YWHAZ: variants seen among roughly 807,000 people sequenced by gnomAD.
YWHAZ encodes 14-3-3 protein zeta/delta.
For missense variants in YWHAZ, 79 were observed against 284.8 expected (o/e 0.28, Z 5.20); for synonymous variants, 87 against 103.6 (o/e 0.84, Z 0.97).
Position 100,943,335 on chromosome 8 carries a change from TTA to T in YWHAZ, c.294+5259_294+5260del, listed in dbSNP as rs370968635. On this transcript the variant is annotated intron_variant, in intron 2 of 5. Coordinates refer to ENST00000395958, the MANE Select transcript of YWHAZ (RefSeq NM_145690.3). ...AATTCTACAAAAAATTCTAAGAAACTTATTAGAATTTCAATAAACTATATGCT... is the reference window on the plus strand; with the variant it reads ...AATTCTACAAAAAATTCTAAGAAACTTTAGAATTTCAATAAACTATATGCT... 4.6e-3 allele frequency among the ~76,000 whole-genome samples: 701 copies of T among 152,312 alleles called. 4 individuals carry two copies. Among genetic ancestry groups the T allele is most frequent in the Non-Finnish European group, 8.4e-3 (570 of 68,032 alleles).
intron 1 of YWHAZ, chr8:100,951,174 C>T: frequency 1.0e-6 from 1 of 985,326 alleles, no homozygotes; most frequent in Non-Finnish European, 1.2e-6. Context: ...GAGCCCCACC[C>T]CAAAACCTCA....
intron 2 of YWHAZ, among the ~76,000 whole-genome samples, chr8:100,933,050 A>C (rs1433425774): frequency 6.6e-6 from 1 of 152,160 alleles, no homozygotes; most frequent in Non-Finnish European, 1.5e-5. Flanking sequence ...CAGTATTAAC[A>C]GTATTTGCCA....
At position 100,918,084 on chromosome 8, in the gene YWHAZ, TG is replaced by T. The variant is rs1812776629; in HGVS notation, c.*2608del. 6.6e-6 allele frequency: 1 copy of T among 152,068 alleles called. No individual in the cohort carries two copies. The highest frequency in any genetic ancestry group is 6.6e-5 in the Admixed American group (1 of 15,264). 9.4% of individuals were successfully genotyped at this position (152,068 alleles called of 1,614,324 possible). On this transcript the variant is annotated 3_prime_UTR_variant, in exon 6 of 6. Coordinates refer to ENST00000395958, the MANE Select transcript of YWHAZ (RefSeq NM_145690.3). ...TCTACTGGGCGCGGTGGCTTATGCCTGTAATCCCAGCACTTTGGGAGGTTGA... is the reference window on the plus strand; with the variant it reads ...TCTACTGGGCGCGGTGGCTTATGCCTTAATCCCAGCACTTTGGGAGGTTGA...
intron 1 of YWHAZ, among the ~76,000 whole-genome samples, chr8:100,950,207 T>C (rs1314097408): frequency 6.6e-6 from 1 of 152,224 alleles, no homozygotes; most frequent in African/African-American, 2.4e-5. Flanking sequence ...AAATTACTGA[T>C]TTTTCCCTTA....
chr8:100,940,425 A>G (rs1374231649), intron 2 of YWHAZ, among the ~76,000 whole-genome samples: 1 of 152,184 alleles, frequency 6.6e-6, no homozygotes, highest in Non-Finnish European at 1.5e-5. Flanking sequence ...TCTATGTTCA[A>G]TGAATTTGCA....
chr8:100,920,736 G>A lies in YWHAZ; in HGVS notation c.695C>T (p.Thr232Ile), dbSNP rs762463287. 2 of 1,434,122 alleles carry A rather than the reference G, an allele frequency of 1.4e-6. No individual in the cohort carries two copies. Among genetic ancestry groups the A allele is most frequent in the Non-Finnish European group, 1.9e-6 (2 of 1,073,806 alleles). 88.8% of individuals were successfully genotyped at this position (1,434,122 alleles called of 1,614,324 possible). A position where few individuals can be genotyped will look rare whatever the true frequency, so the allele number is the denominator to read the frequency against. ...TCCTGCTTCAGCTTCGTCTCCTTGGGTATCCGATGTCCACAACTGGTAAAA... is the reference window on the plus strand; with the variant it reads ...TCCTGCTTCAGCTTCGTCTCCTTGGATATCCGATGTCCACAACTGGTAAAA... ...RDNLTLWTSDTQGDEAEAGEG... is the reference protein window; with the variant it reads ...RDNLTLWTSDIQGDEAEAGEG... Residue 232 changes from threonine (T) to isoleucine (I), a missense_variant, in exon 6 of 6, where the codon ACC (threonine) becomes ATC (isoleucine). Physicochemically the swap from Thr to Ile is moderately conservative, Grantham distance 89. Coordinates refer to ENST00000395958, the MANE Select transcript of YWHAZ (RefSeq NM_145690.3).
chr8:100,919,165 G>A lies in YWHAZ; in HGVS notation c.*1528C>T, dbSNP rs1202247653. ...TCATGCGGCCTTTTTCCAAGTACAT[G>A]GCCACCAAGTAAGAATGGTTGGTGA... On this transcript the variant is annotated 3_prime_UTR_variant, in exon 6 of 6. Transcript: ENST00000395958. 2.6e-5 allele frequency: 4 copies of A among 152,328 alleles called. No homozygotes were observed. Among genetic ancestry groups the A allele is most frequent in the Non-Finnish European group, 2.9e-5 (2 of 68,042 alleles). 9.4% of individuals were successfully genotyped at this position (152,328 alleles called of 1,614,324 possible).
chr8:100,917,561 T>G lies in YWHAZ; in HGVS notation c.*3132A>C, dbSNP rs1199053628. ...GGTGAAACCCTCTCTCTACTAAAAA[T>G]ACAAATAATTAGCCAGGAGTGGTGG... is the stretch of plus-strand genomic sequence containing the variant. On this transcript the variant is annotated 3_prime_UTR_variant, in exon 6 of 6. Coordinates refer to ENST00000395958, the MANE Select transcript of YWHAZ (RefSeq NM_145690.3). The G allele has an allele frequency of 6.6e-6, 1 of 152,022 alleles. No individual in the cohort carries two copies. The highest frequency in any genetic ancestry group is 1.5e-5 in the Non-Finnish European group (1 of 68,020). 9.4% of individuals were successfully genotyped at this position (152,022 alleles called of 1,614,324 possible). A position where few individuals can be genotyped will look rare whatever the true frequency, so the allele number is the denominator to read the frequency against.
chr8:100,949,967 G>T (rs1810587805), intron 1 of YWHAZ, among the ~76,000 whole-genome samples: 1 of 152,220 alleles, frequency 6.6e-6, no homozygotes, highest in African/African-American at 2.4e-5. Context: ...CACCCTGAAT[G>T]AAGTGCACTT....
intron 2 of YWHAZ, among the ~76,000 whole-genome samples, chr8:100,926,680 T>C (rs1813388024): frequency 6.6e-6 from 1 of 152,218 alleles, no homozygotes; most frequent in Admixed American, 6.5e-5. Flanking sequence ...TTGGTTAGGA[T>C]AGCAACCTCT....
intron 2 of YWHAZ, among the ~76,000 whole-genome samples, chr8:100,946,144 G>A (rs577336709): frequency 1.5e-4 from 23 of 152,252 alleles, no homozygotes; most frequent in African/African-American, 5.3e-4. Flanking sequence ...ATAACAAGAA[G>A]AAACTATTTA....
chr8:100,930,499 T>G (rs1270138472), intron 2 of YWHAZ, among the ~76,000 whole-genome samples: 1 of 152,232 alleles, frequency 6.6e-6, no homozygotes, highest in Non-Finnish European at 1.5e-5. Flanking sequence ...CTAAATGGTT[T>G]TGAGGTCAAA....
Position 100,924,329 on chromosome 8 carries a change from TA to T in YWHAZ, c.419-32del, listed in dbSNP as rs752591156. ...TAAGACACACCAAAACGTACTGAGA[TA>T]AAGTGTGCATTATATCTTCACCCCT... On this transcript the variant is annotated intron_variant, in intron 3 of 5. Coordinates refer to ENST00000395958, the MANE Select transcript of YWHAZ (RefSeq NM_145690.3). This position sits in a 1 kb window ranked among gnomAD's most constrained non-coding sequence, Gnocchi z 5.7. 1.8e-5 allele frequency: 29 copies of T among 1,597,360 alleles called. No individual in the cohort carries two copies. The South Asian group carries it at 3.0e-4, about 17-fold the overall frequency.
intron 2 of YWHAZ, among the ~76,000 whole-genome samples, chr8:100,930,130 G>A (rs1327791883): frequency 3.9e-5 from 6 of 152,142 alleles, no homozygotes; most frequent in African/African-American, 7.2e-5. Context: ...ACGAAGTCTC[G>A]CTCTGTCGCC....
At position 100,952,005 on chromosome 8, in the gene YWHAZ, A is replaced by C. The variant is rs1040285402; in HGVS notation, c.-88T>G. ...GGCGGCGGCGGCGGCAGCAGCGGCG[A>C]GGCTGAGACTCTGTCCCTGGATCTC... On this transcript the variant is annotated 5_prime_UTR_variant, in exon 1 of 6. Coordinates refer to ENST00000395958, the MANE Select transcript of YWHAZ (RefSeq NM_145690.3). The C allele has an allele frequency of 9.0e-5, 90 of 998,148 alleles. No individual in the cohort carries two copies. The African/African-American group carries it at 1.5e-3, about 17-fold the overall frequency. 61.8% of individuals were successfully genotyped at this position (998,148 alleles called of 1,614,324 possible). A position where few individuals can be genotyped will look rare whatever the true frequency, so the allele number is the denominator to read the frequency against.
chr8:100,931,786 C>G (rs1230253825), intron 2 of YWHAZ, among the ~76,000 whole-genome samples: 1 of 151,862 alleles, frequency 6.6e-6, no homozygotes. Context: ...CAAAAATCTG[C>G]TTTAGTGCTC....
chr8:100,928,433 TA>T (rs1813518655), intron 2 of YWHAZ, among the ~76,000 whole-genome samples: 1 of 152,060 alleles, frequency 6.6e-6, no homozygotes, highest in Non-Finnish European at 1.5e-5. Context: ...AAAAGCTAAC[TA>T]TAAAAGAACA....
At chr8:100,944,511 G>A (rs1459772078) in intron 2 of YWHAZ, among the ~76,000 whole-genome samples, 1 of 152,050 alleles carries the variant, frequency 6.6e-6, no homozygotes, top group Non-Finnish European at 1.5e-5. Flanking sequence ...GCTTCCTCTC[G>A]GAGACCTCCT....
intron 2 of YWHAZ, among the ~76,000 whole-genome samples, chr8:100,926,412 G>A (rs903564533): frequency 6.6e-6 from 1 of 152,148 alleles, no homozygotes; most frequent in Non-Finnish European, 1.5e-5. Flanking sequence ...TGGGAGGCTA[G>A]GGTGGCAGGA....
Sources: gnomAD v4.1 joint callset for allele counts (sites outside exome capture counted in the v4.1 genomes callset) on GRCh38, gnomAD v4.1.1 for gene constraint, Gnocchi (gnomAD v3.1) non-coding constraint, MANE v1.5 for transcripts, NCBI Gene and HGNC (gene_info 2026-07-23, HGNC 2026-07-21) for gene names.